RALGPS1: variants seen among roughly 807,000 people sequenced by gnomAD.
The protein encoded by RALGPS1 is Ral GEF with PH domain and SH3 binding motif 1.
A neutral mutation model predicts 78.8 loss-of-function variants in RALGPS1; 19 were observed. That is an observed-to-expected ratio of 0.24 (90% CI 0.17 to 0.35). The LOEUF (loss-of-function observed/expected upper bound fraction) is 0.35, where lower values mean the gene tolerates loss of function less well. Among genes scored for constraint, RALGPS1 ranks in the 10% least tolerant of loss-of-function variants. The pLI, the probability that RALGPS1 is intolerant of heterozygous loss-of-function variation, is 1.00. For missense variants in RALGPS1, 454 were observed against 688.3 expected, an observed-to-expected ratio of 0.66 and a Z score of 3.81; for synonymous variants, 228 against 256.3, an observed-to-expected ratio of 0.89 and a Z score of 1.06.
intron 5 of RALGPS1, among the ~76,000 whole-genome samples, chr9:127,049,590 T>G (rs1035508856): frequency 3.9e-5 from 6 of 152,206 alleles, no homozygotes; most frequent in African/African-American, 1.4e-4. Flanking sequence ...TAGGGCTGGC[T>G]GGGGATATGG....
At position 127,192,985 on chromosome 9, in the gene RALGPS1, A is replaced by C. The variant is rs186725841; in HGVS notation, c.911-2106A>C. Reference sequence around the variant, plus strand: ...GAAGGAGGTCAGTGGATGTGTCATTAGGTACAGAAGTCAGAGCTGAGTGAC... The same window carrying C: ...GAAGGAGGTCAGTGGATGTGTCATTCGGTACAGAAGTCAGAGCTGAGTGAC... On this transcript the variant is annotated intron_variant, in intron 11 of 18. Coordinates refer to ENST00000259351, the MANE Select transcript of RALGPS1 (RefSeq NM_014636.3). Among the ~76,000 whole-genome samples the C allele has an allele frequency of 1.1e-3, 166 of 152,364 alleles. 1 individual carries two copies. The highest frequency in any genetic ancestry group is 1.9e-3 in the Non-Finnish European group (127 of 68,036).
chr9:127,009,399 T>G (rs1180187518), intron 4 of RALGPS1, among the ~76,000 whole-genome samples: 1 of 152,156 alleles, frequency 6.6e-6, no homozygotes, highest in Non-Finnish European at 1.5e-5. Flanking sequence ...ACACACATCC[T>G]CCAATCCATC....
chr9:127,179,811 C>T (rs1299737586), intron 11 of RALGPS1, among the ~76,000 whole-genome samples: 2 of 152,208 alleles, frequency 1.3e-5, no homozygotes, highest in African/African-American at 4.8e-5. Context: ...GCGCCCACGC[C>T]TCTACCCCTC....
chr9:127,154,426 G>C (rs541369218), intron 8 of RALGPS1, among the ~76,000 whole-genome samples: 1 of 152,224 alleles, frequency 6.6e-6, no homozygotes, highest in Non-Finnish European at 1.5e-5. Flanking sequence ...AAGGCAGGGA[G>C]AGATCAAAAC....
intron 1 of RALGPS1, among the ~76,000 whole-genome samples, chr9:126,959,064 CTT>C (rs35067123): frequency 3.2e-4 from 43 of 136,262 alleles, no homozygotes; most frequent in Non-Finnish European, 5.2e-4. Context: ...TCTTCTTCTT[CTT>C]TTTTTTTTTT....
chr9:127,046,225 T>C (rs1199285177), intron 5 of RALGPS1, among the ~76,000 whole-genome samples: 1 of 152,158 alleles, frequency 6.6e-6, no homozygotes, highest in Non-Finnish European at 1.5e-5. Flanking sequence ...TGCAGAAAAT[T>C]TCAAATAATC....
intron 1 of RALGPS1, among the ~76,000 whole-genome samples, chr9:126,928,253 C>G (rs1169575370): frequency 6.6e-6 from 1 of 152,052 alleles, no homozygotes; most frequent in Non-Finnish European, 1.5e-5. Flanking sequence ...TGCCACTGAC[C>G]CTGTTGCTGA....
chr9:127,088,768 G>A (rs946362206), intron 8 of RALGPS1: 12 of 723,320 alleles, frequency 1.7e-5, no homozygotes, highest in Admixed American at 2.7e-5. Context: ...AGAAAACACC[G>A]TATCGATTCA....
At chr9:126,991,020 G>A (rs924763290) in intron 4 of RALGPS1, among the ~76,000 whole-genome samples, 8 of 152,140 alleles carry the variant, frequency 5.3e-5, no homozygotes, top group Non-Finnish European at 1.0e-4. Context: ...CCACAAGTTG[G>A]GGCCAAGGCA....
rs2060454437 is a variant in RALGPS1 at position 127,183,879 on chromosome 9, G to A, written c.910+9097G>A. 6.5e-7 allele frequency: 1 copy of A among 1,549,156 alleles called. No individual in the cohort carries two copies. Among genetic ancestry groups the A allele is most frequent in the South Asian group, 1.2e-5 (1 of 84,002 alleles). ...CTTTGTTCTTGAGTCTCCCATCTCA[G>A]CAGCCTGTCACATCAAGGTCAAGCA... On this transcript the variant is annotated intron_variant, in intron 11 of 18. Transcript: ENST00000259351. This position sits in a 1 kb window ranked among gnomAD's most constrained non-coding sequence, Gnocchi z 4.0.
chr9:126,949,762 T>C (rs999301349), intron 1 of RALGPS1, among the ~76,000 whole-genome samples: 46 of 151,768 alleles, frequency 3.0e-4, no homozygotes, highest in Non-Finnish European at 5.2e-4. Flanking sequence ...ATTTTGTAGG[T>C]TGCCTGTTCA....
intron 8 of RALGPS1, among the ~76,000 whole-genome samples, chr9:127,101,260 C>T (rs1249442667): frequency 6.6e-6 from 1 of 152,248 alleles, no homozygotes; most frequent in Non-Finnish European, 1.5e-5. Flanking sequence ...TAAGCCCCTG[C>T]ACCTGTGAGA....
intron 4 of RALGPS1, among the ~76,000 whole-genome samples, chr9:127,027,252 T>C (rs1419248868): frequency 6.6e-6 from 1 of 152,228 alleles, no homozygotes; most frequent in Non-Finnish European, 1.5e-5. Flanking sequence ...CTGTGCTTTG[T>C]CAGAGGGGTC....
chr9:127,168,879 C>G, intron 10 of RALGPS1, 107 bp downstream of exon 10: 1 of 838,838 alleles, frequency 1.2e-6, no homozygotes, highest in South Asian at 1.5e-5. Flanking sequence ...TGAGTAGCCA[C>G]CTGCAGGGCT....
chr9:127,073,017 T>C (rs1417324169), intron 8 of RALGPS1, among the ~76,000 whole-genome samples: 1 of 152,234 alleles, frequency 6.6e-6, no homozygotes, highest in Non-Finnish European at 1.5e-5. Flanking sequence ...TCATAGAATG[T>C]ATAATAATCA....
chr9:126,992,905 G>A (rs1490630084), intron 4 of RALGPS1, among the ~76,000 whole-genome samples: 4 of 152,182 alleles, frequency 2.6e-5, no homozygotes, highest in Admixed American at 2.0e-4. Context: ...CTAGTACAAT[G>A]TTGGGTAGAA....
intron 8 of RALGPS1, among the ~76,000 whole-genome samples, chr9:127,155,121 G>A (rs573194683): frequency 6.6e-6 from 1 of 152,350 alleles, no homozygotes; most frequent in African/African-American, 2.4e-5. Context: ...TGGCTGTGGA[G>A]TGGGGTGCCT....
intron 8 of RALGPS1, among the ~76,000 whole-genome samples, chr9:127,139,969 G>A (rs1377771012): frequency 2.6e-5 from 4 of 152,190 alleles, no homozygotes; most frequent in African/African-American, 9.7e-5. Context: ...ATCCGCTCAT[G>A]GCATGTGTCC....
At chr9:127,100,289 A>G (rs1175609835) in intron 8 of RALGPS1, among the ~76,000 whole-genome samples, 1 of 152,214 alleles carries the variant, frequency 6.6e-6, no homozygotes, top group African/African-American at 2.4e-5. Context: ...GGTCATTTCA[A>G]TGCATGTGAT....
Sources: allele counts gnomAD v4.1 joint callset (sites outside exome capture counted in the v4.1 genomes callset), GRCh38; gene constraint gnomAD v4.1.1; non-coding constraint Gnocchi (gnomAD v3.1); transcripts MANE v1.5; gene names NCBI Gene and HGNC (gene_info 2026-07-23, HGNC 2026-07-21).